CNTNAP2: variants seen among roughly 807,000 people sequenced by gnomAD.
The protein encoded by CNTNAP2 is contactin-associated protein-like 2.
A neutral mutation model predicts 155.2 loss-of-function variants in CNTNAP2; 98 were observed. The ratio of observed to expected loss-of-function variants is 0.63; its 90% CI spans 0.54 to 0.75. CNTNAP2 has a LOEUF of 0.75. Ranked by LOEUF, CNTNAP2 falls within the 30% of genes least tolerant of loss-of-function variation. The probability of loss-of-function intolerance (pLI) is 0.00; values close to 1 mark genes in which losing one functional copy is unlikely to be tolerated. For missense variants in CNTNAP2, 1,727 were observed against 1,688.1 expected (o/e 1.02, Z -0.40); for synonymous variants, 651 against 631.2 (o/e 1.03, Z -0.47).
intron 1 of CNTNAP2, among the ~76,000 whole-genome samples, chr7:146,395,284 G>C (rs891829121): frequency 6.6e-6 from 1 of 152,118 alleles, no homozygotes; most frequent in African/African-American, 2.4e-5. Context: ...GAGCTAGTAA[G>C]TGGTGGGTGT....
intron 13 of CNTNAP2, among the ~76,000 whole-genome samples, chr7:147,792,256 G>A (rs1363285496): frequency 6.6e-6 from 1 of 152,116 alleles, no homozygotes; most frequent in Non-Finnish European, 1.5e-5. Context: ...TATAGTCACG[G>A]TGTTGTGCAA....
chr7:146,528,161 G>A (rs2129138646), intron 1 of CNTNAP2, among the ~76,000 whole-genome samples: 1 of 152,224 alleles, frequency 6.6e-6, no homozygotes, highest in Non-Finnish European at 1.5e-5. Context: ...AAAAAGTAGG[G>A]TAGTGGCTTA....
chr7:146,555,289 C>A (rs763482023), intron 1 of CNTNAP2, among the ~76,000 whole-genome samples: 20 of 152,162 alleles, frequency 1.3e-4, no homozygotes, highest in Non-Finnish European at 2.4e-4. Flanking sequence ...TGAAAAGAAA[C>A]CTTTGCTTTA....
chr7:147,558,117 A>G (rs1454338255), intron 11 of CNTNAP2, among the ~76,000 whole-genome samples: 1 of 152,248 alleles, frequency 6.6e-6, no homozygotes, highest in Non-Finnish European at 1.5e-5. Context: ...GATGTAGGAA[A>G]TTTAAAAATC....
intron 1 of CNTNAP2, among the ~76,000 whole-genome samples, chr7:146,356,364 T>C (rs1256943907): frequency 6.6e-6 from 1 of 152,158 alleles, no homozygotes; most frequent in East Asian, 1.9e-4. Flanking sequence ...TACTTCCCCA[T>C]TTCATATCCT....
At chr7:148,013,288 A>G (rs1430375200) in intron 15 of CNTNAP2, 1 of 152,204 alleles carries the variant, frequency 6.6e-6, no homozygotes, top group Non-Finnish European at 1.5e-5. Flanking sequence ...CTAAACCTCT[A>G]AGTAAGCAGA....
At chr7:146,946,078 C>G (rs1205184093) in intron 3 of CNTNAP2, among the ~76,000 whole-genome samples, 1 of 150,346 alleles carries the variant, frequency 6.7e-6, no homozygotes, top group Non-Finnish European at 1.5e-5. Flanking sequence ...CCTTCCCTTC[C>G]TTCCTTCCTT....
rs71527797 is a variant in CNTNAP2 at position 146,721,889 on chromosome 7, ATT to A, written c.98-52366_98-52365del. 4.4e-4 allele frequency among the ~76,000 whole-genome samples: 31 copies of A among 69,696 alleles called. 2 individuals carry two copies. The highest frequency in any genetic ancestry group is 3.2e-3 in the South Asian group (10 of 3,106). The allele number at this position is 69,696 out of a possible 152,430, so 45.7% of individuals were successfully genotyped here. On this transcript the variant is annotated intron_variant, in intron 1 of 23. Transcript: ENST00000361727. ...TGTGTGTGTGTGTATATATATATATATTTTTTTTTTTTTTTTTGAGATGGAAC... is the reference window on the plus strand; with the variant it reads ...TGTGTGTGTGTGTATATATATATATATTTTTTTTTTTTTTTGAGATGGAAC...
chr7:148,297,378 A>T (rs79154827), intron 21 of CNTNAP2, among the ~76,000 whole-genome samples: 3,029 of 152,320 alleles, frequency 0.02, 99 homozygotes, highest in African/African-American at 0.069. Context: ...TAGGGCTCAC[A>T]GATGAATATT....
intron 15 of CNTNAP2, among the ~76,000 whole-genome samples, chr7:148,059,403 C>A (rs549447477): frequency 6.6e-6 from 1 of 151,926 alleles, no homozygotes; most frequent in Non-Finnish European, 1.5e-5. Context: ...ACCAGCCTGA[C>A]CAACATGGTG....
intron 1 of CNTNAP2, among the ~76,000 whole-genome samples, chr7:146,452,753 T>C (rs1239102406): frequency 6.6e-6 from 1 of 152,244 alleles, no homozygotes; most frequent in East Asian, 1.9e-4. Flanking sequence ...GAAACTCATC[T>C]ACCACTAGAT....
At chr7:148,156,096 C>G (rs1805393119) in intron 17 of CNTNAP2, among the ~76,000 whole-genome samples, 1 of 152,202 alleles carries the variant, frequency 6.6e-6, no homozygotes, top group African/African-American at 2.4e-5. Flanking sequence ...ATTATAAAGT[C>G]GCCATGGCAA....
At chr7:146,998,228 T>C (rs561680269) in intron 3 of CNTNAP2, among the ~76,000 whole-genome samples, 79 of 152,184 alleles carry the variant, frequency 5.2e-4, no homozygotes, top group African/African-American at 1.7e-3. Flanking sequence ...TATGTTGTGT[T>C]CCCATTTATA....
chr7:147,768,971 G>T (rs1265457686), intron 13 of CNTNAP2, among the ~76,000 whole-genome samples: 1 of 152,028 alleles, frequency 6.6e-6, no homozygotes, highest in Non-Finnish European at 1.5e-5. Context: ...AGTTTAATAG[G>T]AGAAATAAGA....
chr7:147,380,486 T>C (rs1796517155), intron 9 of CNTNAP2, among the ~76,000 whole-genome samples: 1 of 151,628 alleles, frequency 6.6e-6, no homozygotes. Context: ...ACAAACACCA[T>C]AACAACAAAG....
chr7:146,547,304 T>A (rs1798043655), intron 1 of CNTNAP2, among the ~76,000 whole-genome samples: 1 of 152,048 alleles, frequency 6.6e-6, no homozygotes, highest in Non-Finnish European at 1.5e-5. Flanking sequence ...AATTTACACA[T>A]TGGAAGCCAT....
chr7:146,456,657 C>G (rs371377983), intron 1 of CNTNAP2, among the ~76,000 whole-genome samples: 4 of 152,178 alleles, frequency 2.6e-5, no homozygotes, highest in Non-Finnish European at 5.9e-5. Context: ...CCCAAGTTCT[C>G]CTTAAGGCCT....
intron 2 of CNTNAP2, among the ~76,000 whole-genome samples, chr7:146,787,990 G>A (rs973715803): frequency 3.3e-5 from 5 of 152,204 alleles, no homozygotes; most frequent in African/African-American, 1.2e-4. Flanking sequence ...GCTGATTGGT[G>A]CTTTTACAAA....
intron 11 of CNTNAP2, among the ~76,000 whole-genome samples, chr7:147,486,936 A>G (rs1314969655): frequency 8.5e-6 from 1 of 118,310 alleles, no homozygotes; most frequent in Non-Finnish European, 1.8e-5. Flanking sequence ...AGAGCAAGAG[A>G]AAAAGAGAGA....
Sources: allele counts gnomAD v4.1 joint callset (sites outside exome capture counted in the v4.1 genomes callset), GRCh38; gene constraint gnomAD v4.1.1; transcripts MANE v1.5; gene names NCBI Gene and HGNC (gene_info 2026-07-23, HGNC 2026-07-21).